The following OR8G5 variants were observed in gnomAD, a reference collection of about 807,000 sequenced individuals.
The protein encoded by OR8G5 is olfactory receptor family 8 subfamily G member 5, also known as olfactory receptor 8G5.
For synonymous variants in OR8G5, 147 were observed against 147.7 expected (o/e 1.00, Z 0.03); for missense variants, 347 against 371.9 (o/e 0.93, Z 0.55).
intron 1 of OR8G5, among the ~76,000 whole-genome samples, chr11:124,258,452 G>A (rs1311274654): frequency 1.3e-5 from 2 of 151,974 alleles, no homozygotes; most frequent in African/African-American, 4.8e-5. Flanking sequence ...CAGCTACTCA[G>A]GAGGCTGAGG....
intron 1 of OR8G5, among the ~76,000 whole-genome samples, chr11:124,260,246 G>A (rs1278687313): frequency 6.6e-6 from 1 of 151,908 alleles, no homozygotes; most frequent in Non-Finnish European, 1.5e-5. Flanking sequence ...CCATAAAAAG[G>A]AACAAAATAA....
intron 1 of OR8G5, among the ~76,000 whole-genome samples, chr11:124,263,787 T>C (rs1355119133): frequency 6.6e-6 from 1 of 152,152 alleles, no homozygotes; most frequent in Non-Finnish European, 1.5e-5. Flanking sequence ...AGAAATGTGT[T>C]AAGAAATGTA....
chr11:124,265,551 T>C lies in OR8G5; in HGVS notation c.620T>C (p.Ile207Thr). 1.2e-6 allele frequency: 2 copies of C among 1,613,936 alleles called. No individual in the cohort carries two copies. The highest frequency in any genetic ancestry group is 1.7e-6 in the Non-Finnish European group (2 of 1,179,856). The stretch of plus-strand genomic sequence containing the variant: ...ATTTTAATCTTTAGTGGAATTAACA[T>C]CCTTGTCCCCAGCCTGACCATCCTC... The part of the protein sequence containing the change: ...LLILIFSGIN[I>T]LVPSLTILSS... The change falls in exon 2 of 2, where the codon ATC (isoleucine) becomes ACC (threonine). Residue 207 changes from isoleucine to threonine, a missense_variant. By Grantham distance (89) the Ile-to-Thr change is moderately conservative. Coordinates refer to ENST00000641992, the MANE Select transcript of OR8G5 (RefSeq NM_001005198.2).
chr11:124,265,204 C>T lies in OR8G5; in HGVS notation c.273C>T (p.Ile91=). The change falls in exon 2 of 2, where the codon ATC becomes ATT. Residue 91 remains isoleucine (I), a synonymous_variant. Coordinates refer to ENST00000641992, the MANE Select transcript of OR8G5 (RefSeq NM_001005198.2). ...MLVNFVTEKN[I]ISYPECMTQL... ...TGAACTTTGTGACAGAGAAGAACATCATCTCCTACCCTGAATGCATGACTC... is the reference window on the plus strand; with the variant it reads ...TGAACTTTGTGACAGAGAAGAACATTATCTCCTACCCTGAATGCATGACTC... 3.7e-6 allele frequency: 6 copies of T among 1,614,084 alleles called. No homozygotes were observed. The highest frequency in any genetic ancestry group is 1.1e-5 in the South Asian group (1 of 91,080).
intron 1 of OR8G5, among the ~76,000 whole-genome samples, chr11:124,258,587 TAATA>T (rs768061157): frequency 1.3e-5 from 2 of 150,614 alleles, no homozygotes; most frequent in African/African-American, 2.4e-5. Context: ...ATAATAATAA[TAATA>T]AAAAAGACAT....
Position 124,264,671 on chromosome 11 carries a change from T to C in OR8G5, c.-14-247T>C, listed in dbSNP as rs1330453302. The C allele has an allele frequency of 7.5e-6, 4 of 530,814 alleles. No individual in the cohort carries two copies. The Admixed American group carries it at 1.0e-4, about 14-fold the overall frequency. The allele number at this position is 530,814 out of a possible 1,614,324, so 32.9% of individuals were successfully genotyped here. A position where few individuals can be genotyped will look rare whatever the true frequency, so the allele number is the denominator to read the frequency against. On this transcript the variant is annotated intron_variant, in intron 1 of 1. Coordinates refer to ENST00000641992, the MANE Select transcript of OR8G5 (RefSeq NM_001005198.2). ...CTTAAAAATACTGACTTGAAGATCATTGAAATATTCAAAATACAAAATAGA... is the reference window on the plus strand; with the variant it reads ...CTTAAAAATACTGACTTGAAGATCACTGAAATATTCAAAATACAAAATAGA...
intron 1 of OR8G5, among the ~76,000 whole-genome samples, chr11:124,258,778 A>T (rs985726285): frequency 6.6e-6 from 1 of 152,096 alleles, no homozygotes; most frequent in African/African-American, 2.4e-5. Flanking sequence ...ACTTCTCTTC[A>T]TTGCCCCAAG....
chr11:124,263,831 T>C (rs2137760794), intron 1 of OR8G5, among the ~76,000 whole-genome samples: 1 of 152,278 alleles, frequency 6.6e-6, no homozygotes, highest in East Asian at 1.9e-4. Flanking sequence ...TTTTAAATAA[T>C]TTGACTCATT....
intron 1 of OR8G5, chr11:124,264,712 A>G (rs1034367782): frequency 1.7e-6 from 1 of 585,632 alleles, no homozygotes. Flanking sequence ...AAAGTTTTTA[A>G]TTATTATAAA....
Position 124,266,147 on chromosome 11 carries a change from C to T in OR8G5, c.*280C>T, listed in dbSNP as rs1862028733. Reference sequence around the variant, plus strand: ...GATAATGCCAGTTACATTCCCTTCCCCCTTTTCTTTCATGTAATTGATTAA... The same window carrying T: ...GATAATGCCAGTTACATTCCCTTCCTCCTTTTCTTTCATGTAATTGATTAA... On this transcript the variant is annotated 3_prime_UTR_variant, in exon 2 of 2. Coordinates refer to ENST00000641992, the MANE Select transcript of OR8G5 (RefSeq NM_001005198.2). 1 of 324,594 alleles carries T rather than the reference C, an allele frequency of 3.1e-6. No individual in the cohort carries two copies. The highest frequency in any genetic ancestry group is 5.1e-5 in the South Asian group (1 of 19,578). The allele number at this position is 324,594 out of a possible 1,614,324, so 20.1% of individuals were successfully genotyped here.
chr11:124,264,743 A>G (rs1862010446), intron 1 of OR8G5, 175 bp from the exon 2 acceptor site: 5 of 706,564 alleles, frequency 7.1e-6, no homozygotes, highest in Non-Finnish European at 1.2e-5. Context: ...ATATTATCAT[A>G]TAGAATACCA....
intron 1 of OR8G5, among the ~76,000 whole-genome samples, chr11:124,262,709 A>G (rs1861985212): frequency 6.6e-6 from 1 of 150,650 alleles, no homozygotes; most frequent in Middle Eastern, 3.4e-3. Flanking sequence ...ACCACAACTC[A>G]TGCATCTACT....
At position 124,265,387 on chromosome 11, in the gene OR8G5, C is replaced by A. The variant is rs768065002; in HGVS notation, c.456C>A (p.Gly152=). The A allele has an allele frequency of 1.9e-6, 3 of 1,613,920 alleles. No homozygotes were observed. Among genetic ancestry groups the A allele is most frequent in the Non-Finnish European group, 2.5e-6 (3 of 1,179,876 alleles). The change falls in exon 2 of 2, where the codon GGC becomes GGA. Residue 152 remains glycine (G), a synonymous_variant. Transcript: ENST00000641992. The stretch of plus-strand genomic sequence containing the variant: ...TGATTTTAGTGGTGTATGTAATAGG[C>A]CTGATTTGTGCGTCAGCTCATATAG... ...FSLILVVYVI[G]LICASAHIGC...
intron 1 of OR8G5, among the ~76,000 whole-genome samples, chr11:124,257,253 T>C (rs1391048861): frequency 6.6e-6 from 1 of 152,218 alleles, no homozygotes; most frequent in Non-Finnish European, 1.5e-5. Context: ...TGGTTAAATA[T>C]ATTTAATGGC....
Position 124,265,631 on chromosome 11 carries a change from A to G in OR8G5, c.700A>G (p.Arg234Gly). 6.2e-7 allele frequency: 1 copy of G among 1,614,046 alleles called. No individual in the cohort carries two copies. Among genetic ancestry groups the G allele is most frequent in the Non-Finnish European group, 8.5e-7 (1 of 1,179,936 alleles). The change falls in exon 2 of 2, where the codon AGG becomes GGG. Residue 234 changes from arginine (R) to glycine (G), a missense_variant. Physicochemically the swap from Arg to Gly is moderately radical, Grantham distance 125 (BLOSUM62 -2). Coordinates refer to ENST00000641992, the MANE Select transcript of OR8G5 (RefSeq NM_001005198.2). ...CCTCCGCATTCGCTACACTGAGGGC[A>G]GGTCCAAAGCCTTCAGCACTTGCAG... ...SILRIRYTEG[R>G]SKAFSTCSSH...
At chr11:124,260,645 A>G (rs1565319141) in intron 1 of OR8G5, among the ~76,000 whole-genome samples, 1 of 151,338 alleles carries the variant, frequency 6.6e-6, no homozygotes, top group Non-Finnish European at 1.5e-5. Flanking sequence ...AGTGAGTCTT[A>G]TTATCCACAG....
chr11:124,265,470 A>G lies in OR8G5; in HGVS notation c.539A>G (p.Asp180Gly). Residue 180 changes from aspartate (D) to glycine (G), a missense_variant, in exon 2 of 2, where the codon GAT becomes GGT. Asp to Gly is a moderately conservative substitution (Grantham distance 94, BLOSUM62 -1). Coordinates refer to ENST00000641992, the MANE Select transcript of OR8G5 (RefSeq NM_001005198.2). ...GATGTGATCAACCATTATTTCTGTG[A>G]TCTTATTTCTATCTTGAAGCTCTCC... ...KFDVINHYFC[D>G]LISILKLSCS... The G allele has an allele frequency of 6.2e-7, 1 of 1,613,954 alleles. No individual in the cohort carries two copies. Among genetic ancestry groups the G allele is most frequent in the Non-Finnish European group, 8.5e-7 (1 of 1,179,882 alleles).
intron 1 of OR8G5, among the ~76,000 whole-genome samples, chr11:124,262,706 C>A (rs1408522447): frequency 6.7e-6 from 1 of 149,316 alleles, no homozygotes; most frequent in Non-Finnish European, 1.5e-5. Context: ...CACACCACAA[C>A]TCATGCATCT....
chr11:124,264,123 C>A (rs1199504174), intron 1 of OR8G5, among the ~76,000 whole-genome samples: 7 of 140,716 alleles, frequency 5.0e-5, no homozygotes, highest in African/African-American at 1.8e-4. Flanking sequence ...ATTTATGAGT[C>A]TGAAAATGTT....
Sources: gnomAD v4.1 joint callset for allele counts (sites outside exome capture counted in the v4.1 genomes callset) on GRCh38, gnomAD v4.1.1 for gene constraint, MANE v1.5 for transcripts, NCBI Gene and HGNC (gene_info 2026-07-23, HGNC 2026-07-21) for gene names.